PLEKHA5: variants seen among roughly 807,000 people sequenced by gnomAD.
PLEKHA5 encodes pleckstrin homology domain containing A5.
In PLEKHA5, 55 loss-of-function variants were observed where a neutral mutation model predicts 181.9. The ratio of observed to expected loss-of-function variants is 0.30; its 90% CI spans 0.24 to 0.38. PLEKHA5 has a LOEUF of 0.38. Ranked by LOEUF, PLEKHA5 falls within the 10% of genes least tolerant of loss-of-function variation. The pLI is 1.00. For synonymous variants in PLEKHA5, 535 were observed against 529.4 expected (o/e 1.01, Z -0.15); for missense variants, 1,432 against 1,549.5 (o/e 0.92, Z 1.27).
At chr12:19,274,461 A>C (rs970091762) in intron 10 of PLEKHA5, 55 bp from the exon 11 acceptor site, 7 of 1,219,444 alleles carry the variant, frequency 5.7e-6, no homozygotes, top group Non-Finnish European at 8.1e-6. Context: ...GAATCCCAGA[A>C]GTAATATGTA....
intron 10 of PLEKHA5, among the ~76,000 whole-genome samples, chr12:19,271,628 A>G (rs1380167795): frequency 3.3e-5 from 5 of 152,216 alleles, no homozygotes; most frequent in Admixed American, 3.3e-4. Flanking sequence ...AATATTGTAT[A>G]TTATACTTTT....
intron 3 of PLEKHA5, among the ~76,000 whole-genome samples, chr12:19,135,950 A>G (rs1442532167): frequency 6.6e-6 from 1 of 150,894 alleles, no homozygotes; most frequent in Non-Finnish European, 1.5e-5. Context: ...CTCTATCACA[A>G]CACACTGCAG....
chr12:19,301,404 A>C (rs147928631), intron 15 of PLEKHA5, among the ~76,000 whole-genome samples: 32 of 152,290 alleles, frequency 2.1e-4, no homozygotes, highest in African/African-American at 7.2e-4. Flanking sequence ...TGTGGATGCC[A>C]GGGATAAACA....
At position 19,265,813 on chromosome 12, in the gene PLEKHA5, C is replaced by G; in HGVS notation, c.674C>G (p.Thr225Ser). ...LLPSFQIALL[T>S]SEDHINRKYA... ...CCTAGTTTTCAGATAGCTTTGCTTACCTCTGAAGATCACATTAATCGCAAA... is the reference window on the plus strand; with the variant it reads ...CCTAGTTTTCAGATAGCTTTGCTTAGCTCTGAAGATCACATTAATCGCAAA... The change falls in exon 8 of 32, where the codon ACC becomes AGC. Residue 225 changes from threonine (T) to serine (S), a missense_variant. This residue lies in a region of PLEKHA5 where 289 missense variants were observed against 381.1 expected (regional missense o/e 0.76). Coordinates refer to ENST00000429027, the MANE Select transcript of PLEKHA5 (RefSeq NM_001256470.2). 1 of 1,602,558 alleles carries G rather than the reference C, an allele frequency of 6.2e-7. No homozygotes were observed. Among genetic ancestry groups the G allele is most frequent in the Non-Finnish European group, 8.5e-7 (1 of 1,170,812 alleles).
chr12:19,268,589 A>C (rs2152694623), intron 8 of PLEKHA5, among the ~76,000 whole-genome samples: 1 of 152,324 alleles, frequency 6.6e-6, no homozygotes, highest in South Asian at 2.1e-4. Context: ...GTAAGTAGAA[A>C]CTTTATAGAC....
chr12:19,270,387 C>G (rs11830615), intron 10 of PLEKHA5, among the ~76,000 whole-genome samples, 182 bp downstream of exon 10: 9,167 of 152,132 alleles, frequency 0.06, 471 homozygotes, highest in East Asian at 0.2. Context: ...TTGATAGTTT[C>G]ATTTTTTCAA....
intron 15 of PLEKHA5, among the ~76,000 whole-genome samples, chr12:19,305,553 T>C (rs2083037036): frequency 1.5e-5 from 1 of 65,314 alleles, no homozygotes; most frequent in African/African-American, 4.9e-5. Context: ...AGCGAGACTG[T>C]GTCTCAAAAA....
intron 3 of PLEKHA5, among the ~76,000 whole-genome samples, chr12:19,215,729 A>G (rs2152251973): frequency 6.6e-6 from 1 of 152,314 alleles, no homozygotes; most frequent in African/African-American, 2.4e-5. Flanking sequence ...CAAGAGCTAT[A>G]ATAGGCACTT....
At chr12:19,136,892 C>T (rs17445495) in intron 3 of PLEKHA5, among the ~76,000 whole-genome samples, 651 of 152,010 alleles carry the variant, frequency 4.3e-3, no homozygotes, top group Non-Finnish European at 6.8e-3. Flanking sequence ...TCCAAACTTA[C>T]CAAAACTAGC....
chr12:19,282,478 G>A (rs2076388662), intron 11 of PLEKHA5, among the ~76,000 whole-genome samples: 1 of 152,144 alleles, frequency 6.6e-6, no homozygotes, highest in South Asian at 2.1e-4. Flanking sequence ...ATGTACTGAT[G>A]TATTTACTCC....
intron 3 of PLEKHA5, among the ~76,000 whole-genome samples, chr12:19,173,063 C>T (rs1014309067): frequency 8.0e-6 from 1 of 124,474 alleles, no homozygotes. Context: ...GTCGCCCAGG[C>T]CGGACTGCGG....
At chr12:19,200,396 C>G in intron 3 of PLEKHA5, 1 of 1,515,218 alleles carries the variant, frequency 6.6e-7, no homozygotes, top group South Asian at 1.2e-5. Context: ...TGTATGCAGG[C>G]CTATGACTAG....
At chr12:19,332,298 C>T (rs1482031157) in intron 20 of PLEKHA5, among the ~76,000 whole-genome samples, 3 of 152,124 alleles carry the variant, frequency 2.0e-5, no homozygotes, top group Non-Finnish European at 4.4e-5. Context: ...GCAATCCCTC[C>T]TCCTGCCCAA....
At chr12:19,298,685 T>C (rs1403489530) in intron 15 of PLEKHA5, among the ~76,000 whole-genome samples, 2 of 152,016 alleles carry the variant, frequency 1.3e-5, no homozygotes, top group African/African-American at 4.8e-5. Flanking sequence ...TTGTCATCTT[T>C]ATCCCTCAAG....
chr12:19,362,006 G>GA lies in PLEKHA5; in HGVS notation c.3608+310dup, dbSNP rs543314594. ...GGCAACATAATGAGACCTCATCTCT[G>GA]AAAAAAAAAATTAGCCAGGCATGGT... On this transcript the variant is annotated intron_variant, in intron 29 of 31. Coordinates refer to ENST00000429027, the MANE Select transcript of PLEKHA5 (RefSeq NM_001256470.2). Among the ~76,000 whole-genome samples the GA allele has an allele frequency of 4.6e-3, 673 of 146,992 alleles. 3 individuals are homozygous for GA. Among genetic ancestry groups the GA allele is most frequent in the Non-Finnish European group, 7.8e-3 (516 of 66,326 alleles).
chr12:19,177,693 G>A (rs2047642378), intron 3 of PLEKHA5, among the ~76,000 whole-genome samples: 1 of 152,136 alleles, frequency 6.6e-6, no homozygotes, highest in African/African-American at 2.4e-5. Context: ...CCCAAGTAGT[G>A]GTTTCCTTTA....
chr12:19,258,561 C>CTTTTTTTTT (rs71440398), intron 6 of PLEKHA5, among the ~76,000 whole-genome samples: 118 of 123,786 alleles, frequency 9.5e-4, no homozygotes, highest in Non-Finnish European at 1.5e-3. Flanking sequence ...TTTTCTTTTT[C>CTTTTTTTTT]TTTTTTTTTT....
chr12:19,371,246 A>T (rs2095569098), intron 31 of PLEKHA5: 1 of 152,198 alleles, frequency 6.6e-6, no homozygotes, highest in South Asian at 2.1e-4. Context: ...AGCTCAAGTG[A>T]TCTGTCCGCC....
At chr12:19,274,339 G>A (rs2073942097) in intron 10 of PLEKHA5, among the ~76,000 whole-genome samples, 177 bp from the exon 11 acceptor site, 1 of 152,092 alleles carries the variant, frequency 6.6e-6, no homozygotes, top group African/African-American at 2.4e-5. Context: ...ACATTCTGGT[G>A]TTGTGCTTGA....
Sources: allele counts gnomAD v4.1 joint callset (sites outside exome capture counted in the v4.1 genomes callset), GRCh38; gene constraint gnomAD v4.1.1; regional missense constraint gnomAD v4.1.1; transcripts MANE v1.5; gene names NCBI Gene and HGNC (gene_info 2026-07-23, HGNC 2026-07-21).